LHFPL3: variants seen among roughly 807,000 people sequenced by gnomAD.
LHFPL3 encodes LHFPL tetraspan subfamily member 3 protein.
A neutral mutation model predicts 19.3 loss-of-function variants in LHFPL3; 5 were observed. The ratio of observed to expected loss-of-function variants is 0.26; its 90% CI spans 0.14 to 0.54. The LOEUF is 0.54. Among genes scored for constraint, LHFPL3 ranks in the 20% least tolerant of loss-of-function variants. The probability of loss-of-function intolerance (pLI) is 0.94; values close to 1 mark genes in which losing one functional copy is unlikely to be tolerated. For synonymous variants in LHFPL3, 133 were observed against 126.2 expected (o/e 1.05, Z -0.36); for missense variants, 249 against 307.4 (o/e 0.81, Z 1.42).
At chr7:104,821,260 G>C (rs1790672097) in intron 2 of LHFPL3, among the ~76,000 whole-genome samples, 1 of 152,160 alleles carries the variant, frequency 6.6e-6, no homozygotes, top group Admixed American at 6.5e-5. Flanking sequence ...GCATCCTCCT[G>C]CTCTCAGGCT....
chr7:104,748,847 C>T (rs35494057), intron 2 of LHFPL3, among the ~76,000 whole-genome samples: 33,572 of 152,126 alleles, frequency 0.22, 3,959 homozygotes, highest in South Asian at 0.43. Context: ...TTCTACCTTA[C>T]GAGAAACACC....
At chr7:104,894,870 G>T (rs547487276) in intron 2 of LHFPL3, 1 of 152,320 alleles carries the variant, frequency 6.6e-6, no homozygotes, top group East Asian at 1.9e-4. Context: ...CATCTAGGAA[G>T]TAGCCAACCC....
chr7:104,559,590 T>C (rs113090354), intron 1 of LHFPL3, among the ~76,000 whole-genome samples: 1 of 152,208 alleles, frequency 6.6e-6, no homozygotes, highest in East Asian at 1.9e-4. Flanking sequence ...GCTGAGACGA[T>C]GGGGTTTTAT....
intron 1 of LHFPL3, among the ~76,000 whole-genome samples, chr7:104,657,338 T>A (rs1471657942): frequency 6.6e-6 from 1 of 152,244 alleles, no homozygotes; most frequent in Non-Finnish European, 1.5e-5. Flanking sequence ...ATCAGTAGTA[T>A]CAGCTATTCT....
intron 1 of LHFPL3, among the ~76,000 whole-genome samples, chr7:104,378,008 A>G (rs963800372): frequency 3.9e-5 from 6 of 152,312 alleles, no homozygotes; most frequent in South Asian, 2.1e-4. Context: ...TTCTTTTTTA[A>G]AAAACAAAAA....
chr7:104,747,051 A>G (rs569021006), intron 2 of LHFPL3, among the ~76,000 whole-genome samples: 2 of 152,356 alleles, frequency 1.3e-5, no homozygotes, highest in East Asian at 3.9e-4. Flanking sequence ...ATAGTTGGTC[A>G]GTTGGTTTCG....
intron 1 of LHFPL3, among the ~76,000 whole-genome samples, chr7:104,409,021 C>T (rs1212447100): frequency 1.2e-4 from 17 of 141,796 alleles, no homozygotes; most frequent in Non-Finnish European, 2.3e-4. Context: ...CCTGCCACCA[C>T]GCCCGGCTAA....
At chr7:104,509,855 C>T (rs951244044) in intron 1 of LHFPL3, among the ~76,000 whole-genome samples, 6 of 151,944 alleles carry the variant, frequency 3.9e-5, no homozygotes, top group African/African-American at 1.4e-4. Flanking sequence ...AAGGAATCTA[C>T]AAAAATACTC....
At chr7:104,654,980 C>T (rs114974050) in intron 1 of LHFPL3, among the ~76,000 whole-genome samples, 74 of 152,260 alleles carry the variant, frequency 4.9e-4, no homozygotes, top group African/African-American at 1.7e-3. Flanking sequence ...ACACCTGACA[C>T]ATTCCCTGCC....
intron 2 of LHFPL3, among the ~76,000 whole-genome samples, chr7:104,871,667 T>G (rs1312249246): frequency 1.3e-5 from 2 of 151,368 alleles, no homozygotes. Context: ...CAAAAATAAT[T>G]TTTTTTTTGA....
intron 2 of LHFPL3, among the ~76,000 whole-genome samples, chr7:104,878,446 T>C (rs1323326319): frequency 1.3e-5 from 2 of 152,110 alleles, no homozygotes; most frequent in Non-Finnish European, 2.9e-5. Context: ...TCAGTGATCT[T>C]TGATGTTACT....
At chr7:104,832,266 T>C (rs970521048) in intron 2 of LHFPL3, among the ~76,000 whole-genome samples, 2 of 151,992 alleles carry the variant, frequency 1.3e-5, no homozygotes, top group Admixed American at 1.3e-4. Flanking sequence ...TCAATCATTC[T>C]ATCAGACAAT....
intron 1 of LHFPL3, among the ~76,000 whole-genome samples, chr7:104,560,862 A>G (rs2115946535): frequency 6.7e-6 from 1 of 150,244 alleles, no homozygotes; most frequent in South Asian, 2.1e-4. Flanking sequence ...AATGCGTCCC[A>G]GAGATTCTGG....
At chr7:104,730,481 TTC>T (rs1266528604) in intron 1 of LHFPL3, among the ~76,000 whole-genome samples, 1 of 152,262 alleles carries the variant, frequency 6.6e-6, no homozygotes, top group Admixed American at 6.5e-5. Flanking sequence ...TGATTTGCAT[TTC>T]TCTGATGGCC....
chr7:104,611,993 A>G (rs1444273645), intron 1 of LHFPL3, among the ~76,000 whole-genome samples: 1 of 152,100 alleles, frequency 6.6e-6, no homozygotes, highest in Non-Finnish European at 1.5e-5. Context: ...GTGCTCAAAA[A>G]CGTCTTTTTT....
chr7:104,688,936 G>A (rs1416210520), intron 1 of LHFPL3, among the ~76,000 whole-genome samples: 2 of 152,120 alleles, frequency 1.3e-5, no homozygotes, highest in Non-Finnish European at 2.9e-5. Context: ...TATTGATATG[G>A]GCCCACTAAG....
At chr7:104,886,035 C>G (rs1457286218) in intron 2 of LHFPL3, among the ~76,000 whole-genome samples, 2 of 152,180 alleles carry the variant, frequency 1.3e-5, no homozygotes, top group Admixed American at 1.3e-4. Context: ...AAAATAACAG[C>G]TGGCTTCTCA....
rs183701915 is a variant in LHFPL3, at chr7:104,442,363, A to G, written c.445+113139A>G. 3.1e-3 allele frequency among the ~76,000 whole-genome samples: 467 copies of G among 151,706 alleles called. 4 individuals carry two copies. Among genetic ancestry groups the G allele is most frequent in the Non-Finnish European group, 3.6e-3 (246 of 67,892 alleles). ...CTTGTTCATTTCAGCCTATATATCT[A>G]GATATTGACACGACGCTTTGAGATG... is the stretch of plus-strand genomic sequence containing the variant. On this transcript the variant is annotated intron_variant, in intron 1 of 2. Coordinates refer to ENST00000424859, the MANE Select transcript of LHFPL3 (RefSeq NM_199000.3).
chr7:104,518,395 T>G (rs1793963669), intron 1 of LHFPL3, among the ~76,000 whole-genome samples: 1 of 152,170 alleles, frequency 6.6e-6, no homozygotes, highest in African/African-American at 2.4e-5. Context: ...TGAATAATAA[T>G]AGCAGAAATA....
Sources: allele counts gnomAD v4.1 joint callset (sites outside exome capture counted in the v4.1 genomes callset), GRCh38; gene constraint gnomAD v4.1.1; transcripts MANE v1.5; gene names NCBI Gene and HGNC (gene_info 2026-07-23, HGNC 2026-07-21).